The following TMEM65 variants were observed in gnomAD, a reference collection of about 807,000 sequenced individuals.
The protein encoded by TMEM65 is transmembrane protein 65.
TMEM65 carries 22 observed loss-of-function variants against 25.4 expected under a neutral mutation model. That is an observed-to-expected ratio of 0.86 (90% CI 0.62 to 1.23). The LOEUF is 1.23. TMEM65 is among the 50% of genes most tolerant of loss of function. The probability of loss-of-function intolerance (pLI) is 0.00; values close to 1 mark genes in which losing one functional copy is unlikely to be tolerated. For synonymous variants in TMEM65, 132 were observed against 126.2 expected, an observed-to-expected ratio of 1.05 and a Z score of -0.31; for missense variants, 262 against 308.2, an observed-to-expected ratio of 0.85 and a Z score of 1.12.
At chr8:124,369,614 A>G (rs1263566459) in intron 1 of TMEM65, among the ~76,000 whole-genome samples, 1 of 152,214 alleles carries the variant, frequency 6.6e-6, no homozygotes, top group Non-Finnish European at 1.5e-5. Context: ...AAAAGCAACA[A>G]TAAAAGAAAA....
chr8:124,350,075 AAG>A (rs1191736273), intron 1 of TMEM65, among the ~76,000 whole-genome samples: 1 of 151,922 alleles, frequency 6.6e-6, no homozygotes, highest in Non-Finnish European at 1.5e-5. Flanking sequence ...CTGGCAAAGT[AAG>A]AGTATACTGG....
chr8:124,323,974 C>G (rs1260163523), intron 3 of TMEM65, among the ~76,000 whole-genome samples: 1 of 152,072 alleles, frequency 6.6e-6, no homozygotes, highest in African/African-American at 2.4e-5. Context: ...TTAAGACTTT[C>G]TATATGTATA....
In TMEM65 at chr8:124,310,729, T is replaced by C. The variant is rs1814146924; in HGVS notation, c.*3231A>G. 1 of 152,144 alleles carries C rather than the reference T, an allele frequency of 6.6e-6. No homozygotes were observed. The highest frequency in any genetic ancestry group is 2.4e-5 in the African/African-American group (1 of 41,438). 9.4% of individuals were successfully genotyped at this position (152,144 alleles called of 1,614,324 possible). Reference sequence around the variant, plus strand: ...CAGTCAGGATCCAAAGCCAATTTTTTAGTATTTCCCAAATAATTTATGGTA... The same window carrying C: ...CAGTCAGGATCCAAAGCCAATTTTTCAGTATTTCCCAAATAATTTATGGTA... On this transcript the variant is annotated 3_prime_UTR_variant, in exon 7 of 7. Transcript: ENST00000297632.
At chr8:124,342,531 G>A (rs1042422809) in intron 1 of TMEM65, among the ~76,000 whole-genome samples, 2 of 152,230 alleles carry the variant, frequency 1.3e-5, no homozygotes, top group East Asian at 3.9e-4. Context: ...AATTATCTAT[G>A]ATAACCTATA....
intron 1 of TMEM65, among the ~76,000 whole-genome samples, 179 bp downstream of exon 1, chr8:124,371,675 G>A (rs1021080386): frequency 2.6e-5 from 4 of 152,190 alleles, no homozygotes; most frequent in African/African-American, 9.6e-5. Context: ...GGGAAACTCG[G>A]GCGGCGGAAA....
intron 1 of TMEM65, among the ~76,000 whole-genome samples, chr8:124,334,452 G>T (rs947843415): frequency 4.6e-5 from 7 of 152,056 alleles, no homozygotes; most frequent in Admixed American, 1.3e-4. Context: ...AGAACTGAAA[G>T]ATACATTATC....
chr8:124,333,435 G>GT (rs1229245738), intron 1 of TMEM65, among the ~76,000 whole-genome samples: 1 of 151,072 alleles, frequency 6.6e-6, no homozygotes, highest in African/African-American at 2.4e-5. Context: ...CAACTATGGA[G>GT]TTAAAACAGT....
At chr8:124,369,508 G>T (rs1202794279) in intron 1 of TMEM65, among the ~76,000 whole-genome samples, 2 of 152,134 alleles carry the variant, frequency 1.3e-5, no homozygotes, top group East Asian at 3.8e-4. Context: ...ATTGCCTATG[G>T]CAAGAAATAG....
At chr8:124,324,741 G>A (rs1017950442) in intron 3 of TMEM65, among the ~76,000 whole-genome samples, 3 of 151,990 alleles carry the variant, frequency 2.0e-5, no homozygotes, top group African/African-American at 7.2e-5. Flanking sequence ...CTAACAGCAG[G>A]AAAAGCCCCA....
At position 124,319,924 on chromosome 8, in the gene TMEM65, A is replaced by G. The variant is rs1042166671; in HGVS notation, c.621+162T>C. On this transcript the variant is annotated intron_variant, in intron 6 of 6. Coordinates refer to ENST00000297632, the MANE Select transcript of TMEM65 (RefSeq NM_194291.3). Reference sequence around the variant, plus strand: ...TACCTACAAAAAATAAGGAGTTAATAACACAAATTACTGTTCTTCTGAAAA... The same window carrying G: ...TACCTACAAAAAATAAGGAGTTAATGACACAAATTACTGTTCTTCTGAAAA... Among the ~76,000 whole-genome samples the G allele has an allele frequency of 2.0e-5, 3 of 152,216 alleles. No homozygotes were observed. The South Asian group carries it at 6.2e-4, about 31-fold the overall frequency.
chr8:124,350,212 G>T (rs1382544589), intron 1 of TMEM65, among the ~76,000 whole-genome samples: 1 of 150,748 alleles, frequency 6.6e-6, no homozygotes, highest in African/African-American at 2.4e-5. Flanking sequence ...CTTAGTTTTT[G>T]CTATTTTTGC....
intron 1 of TMEM65, among the ~76,000 whole-genome samples, chr8:124,346,222 C>A (rs7386298): frequency 0.9 from 136,918 of 152,202 alleles, 61,708 homozygotes; most frequent in East Asian, 1. Context: ...GAACTTCCTC[C>A]CTATCATGAG....
chr8:124,336,807 C>T (rs1814513745), intron 1 of TMEM65, among the ~76,000 whole-genome samples: 1 of 151,644 alleles, frequency 6.6e-6, no homozygotes, highest in Admixed American at 6.6e-5. Context: ...TAGAAAGAAG[C>T]AATGAAACAG....
intron 3 of TMEM65, among the ~76,000 whole-genome samples, chr8:124,324,536 C>A (rs780780709): frequency 2.2e-4 from 33 of 151,984 alleles, no homozygotes; most frequent in Non-Finnish European, 4.6e-4. Flanking sequence ...TATGTATCAT[C>A]ATATCTGAAT....
intron 1 of TMEM65, among the ~76,000 whole-genome samples, chr8:124,367,332 A>G (rs973150187): frequency 6.6e-6 from 1 of 152,088 alleles, no homozygotes; most frequent in East Asian, 1.9e-4. Context: ...AACTTAGCCA[A>G]TCACAGTGGT....
At chr8:124,324,559 G>A (rs1341259676) in intron 3 of TMEM65, among the ~76,000 whole-genome samples, 2 of 151,996 alleles carry the variant, frequency 1.3e-5, no homozygotes, top group Non-Finnish European at 2.9e-5. Context: ...AAAAAAACTG[G>A]AGCACCAATA....
intron 1 of TMEM65, among the ~76,000 whole-genome samples, chr8:124,352,701 A>G (rs16899577): frequency 0.08 from 12,203 of 152,064 alleles, 540 homozygotes; most frequent in African/African-American, 0.13. Context: ...TCCAAAAGCC[A>G]TGAGGAAGAA....
At chr8:124,326,275 A>C (rs933414370) in intron 3 of TMEM65, among the ~76,000 whole-genome samples, 5 of 152,044 alleles carry the variant, frequency 3.3e-5, no homozygotes, top group African/African-American at 1.2e-4. Flanking sequence ...ATTACCTTCA[A>C]TCTAATGCTA....
intron 3 of TMEM65, among the ~76,000 whole-genome samples, chr8:124,323,800 T>G (rs1337138171): frequency 1.3e-5 from 2 of 152,112 alleles, no homozygotes; most frequent in Non-Finnish European, 2.9e-5. Flanking sequence ...AACCAGTTTC[T>G]AGGGAAATTG....
Sources: allele counts gnomAD v4.1 joint callset (sites outside exome capture counted in the v4.1 genomes callset), GRCh38; gene constraint gnomAD v4.1.1; transcripts MANE v1.5; gene names NCBI Gene and HGNC (gene_info 2026-07-23, HGNC 2026-07-21).